Variants in GSE1 observed in about 807,000 individuals in gnomAD.
GSE1 encodes genetic suppressor element 1.
A neutral mutation model predicts 112.6 loss-of-function variants in GSE1; 32 were observed. The ratio of observed to expected loss-of-function variants is 0.28; its 90% CI spans 0.21 to 0.38. GSE1 has a LOEUF of 0.38. Among genes scored for constraint, GSE1 ranks in the 10% least tolerant of loss-of-function variants. The pLI is 1.00. For synonymous variants in GSE1, 1,115 were observed against 735.6 expected (o/e 1.52, Z -8.35); for missense variants, 2,348 against 1,699.2 (o/e 1.38, Z -6.71).
intron 2 of GSE1, among the ~76,000 whole-genome samples, chr16:85,523,654 C>T (rs1450060698): frequency 3.9e-5 from 6 of 152,236 alleles, no homozygotes; most frequent in African/African-American, 1.4e-4. Context: ...GGGGGTCCCT[C>T]CTCGTGCCTG....
In GSE1 at chr16:85,482,498, G is replaced by T. The variant is rs955321668; in HGVS notation, c.2464+124855G>T. The stretch of plus-strand genomic sequence containing the variant: ...GGTCCCTCAGCCTCCACGTGACTCA[G>T]TTCCCCCCCCAAATAAAATCCTGGT... On this transcript the variant is annotated intron_variant, in intron 2 of 2. Transcript: ENST00000637419. Among the ~76,000 whole-genome samples, 3 of 95,952 alleles carry T rather than the reference G, an allele frequency of 3.1e-5. No homozygotes were observed. In the South Asian group the frequency reaches 9.2e-4, roughly 29 times the overall value. 62.9% of individuals were successfully genotyped at this position (95,952 alleles called of 152,430 possible).
rs768214662 is a variant in GSE1, at chr16:85,648,629, C to G, written c.304C>G (p.Arg102Gly). 1 of 1,604,204 alleles carries G rather than the reference C, an allele frequency of 6.2e-7. No homozygotes were observed. The highest frequency in any genetic ancestry group is 1.7e-5 in the Admixed American group (1 of 59,540). ...CAGCTCCCCCGCCAGCACACCCAAG[C>G]GCGTGCCCATGGGCCCTATCATCGT... is the stretch of plus-strand genomic sequence containing the variant. Reference protein sequence around the residue: ...NHSSPASTPKRVPMGPIIVPP... With the variant: ...NHSSPASTPKGVPMGPIIVPP... Residue 102 changes from arginine to glycine, a missense_variant, in exon 3 of 16, where the codon CGC becomes GGC. By Grantham distance (125) the Arg-to-Gly change is moderately radical. Transcript: ENST00000253458.
chr16:85,284,720 T>G (rs1467713144), intron 1 of GSE1, among the ~76,000 whole-genome samples: 1 of 152,070 alleles, frequency 6.6e-6, no homozygotes, highest in Non-Finnish European at 1.5e-5. Flanking sequence ...GGGAAAATGG[T>G]GGCTCATGGA....
chr16:85,608,123 G>T (rs972082562), upstream of GSE1, among the ~76,000 whole-genome samples: 7 of 152,194 alleles, frequency 4.6e-5, no homozygotes, highest in African/African-American at 1.4e-4. Flanking sequence ...TGTAAGCCGG[G>T]CTTTGAAGAA....
At chr16:85,521,845 C>A (rs905558038) in intron 2 of GSE1, among the ~76,000 whole-genome samples, 12 of 152,226 alleles carry the variant, frequency 7.9e-5, no homozygotes, top group African/African-American at 2.9e-4. Context: ...CCCAGGGGGT[C>A]GTGGAGGGTT....
intron 1 of GSE1, among the ~76,000 whole-genome samples, chr16:85,275,116 G>A (rs922462607): frequency 3.9e-5 from 6 of 152,170 alleles, no homozygotes; most frequent in Admixed American, 6.5e-5. Context: ...CAGCCGATCC[G>A]CAGACACAGA....
Position 85,373,815 on chromosome 16 carries a change from G to C in GSE1, c.2464+16172G>C, listed in dbSNP as rs370082264. On this transcript the variant is annotated intron_variant, in intron 2 of 2. Coordinates refer to the GSE1 transcript ENST00000637419. The surrounding 1 kb of genome is among the most constrained non-coding windows in gnomAD (Gnocchi z 5.1). ...AGGCAGCCCAGGGCAGGGTGATTGT[G>C]CTCCTGCCCCACGGTGCCCCACGGT... 5.3e-5 allele frequency among the ~76,000 whole-genome samples: 8 copies of C among 152,166 alleles called. No homozygotes were observed. The highest frequency in any genetic ancestry group is 4.6e-4 in the Admixed American group (7 of 15,280).
intron 1 of GSE1, among the ~76,000 whole-genome samples, chr16:85,262,530 G>C (rs1291042918): frequency 6.6e-6 from 1 of 152,228 alleles, no homozygotes; most frequent in East Asian, 1.9e-4. Flanking sequence ...GCCCCACATC[G>C]GTGATTTCTA....
intron 2 of GSE1, among the ~76,000 whole-genome samples, chr16:85,430,809 C>G (rs879872942): frequency 1.3e-5 from 2 of 152,208 alleles, no homozygotes; most frequent in Admixed American, 6.5e-5. Flanking sequence ...GAGGTCCCCC[C>G]ACTTAGCGGG....
chr16:85,556,961 T>G (rs1249203456), intron 1 of GSE1, among the ~76,000 whole-genome samples: 1 of 151,764 alleles, frequency 6.6e-6, no homozygotes, highest in Non-Finnish European at 1.5e-5. Flanking sequence ...TTAACCTTCC[T>G]GCGCGGTGAC....
intron 1 of GSE1, among the ~76,000 whole-genome samples, chr16:85,619,563 C>T (rs764041098): frequency 8.5e-5 from 13 of 152,316 alleles, no homozygotes; most frequent in Non-Finnish European, 1.6e-4. Context: ...GGCGCTCTTA[C>T]GTGGTGTGAT....
chr16:85,500,998 G>GTTTTTTTTTTTT (rs55650214), intron 2 of GSE1, among the ~76,000 whole-genome samples: 6 of 64,834 alleles, frequency 9.3e-5, no homozygotes, highest in African/African-American at 2.6e-4. Flanking sequence ...GGCCTGTTCT[G>GTTTTTTTTTTTT]TTTTTTTTTT....
chr16:85,201,819 A>T (rs1156376044), intron 1 of GSE1, among the ~76,000 whole-genome samples: 5 of 152,212 alleles, frequency 3.3e-5, no homozygotes, highest in Admixed American at 3.3e-4. Flanking sequence ...GTCAGCATGC[A>T]GTCTCATGGC....
At chr16:85,229,159 G>A (rs746968500) in intron 1 of GSE1, among the ~76,000 whole-genome samples, 2 of 152,250 alleles carry the variant, frequency 1.3e-5, no homozygotes, top group Admixed American at 6.5e-5. Flanking sequence ...CTAAGAGGAC[G>A]CCCCCCTTTG....
intron 1 of GSE1, among the ~76,000 whole-genome samples, chr16:85,205,291 C>A (rs1344549627): frequency 6.6e-6 from 1 of 152,022 alleles, no homozygotes; most frequent in Non-Finnish European, 1.5e-5. Context: ...ACCACCATGC[C>A]CAGCTAATTT....
At chr16:85,422,323 G>A (rs1269941640) in intron 2 of GSE1, among the ~76,000 whole-genome samples, 4 of 152,338 alleles carry the variant, frequency 2.6e-5, no homozygotes, top group Admixed American at 1.3e-4. Context: ...CGAGGCTCCC[G>A]GCAAGACTGA....
intron 1 of GSE1, among the ~76,000 whole-genome samples, chr16:85,622,821 T>C (rs1350991679): frequency 6.6e-6 from 1 of 152,188 alleles, no homozygotes; most frequent in Admixed American, 6.5e-5. Context: ...TACACCCTCA[T>C]GGAGTTACCG....
chr16:85,318,160 C>T (rs1028690995), intron 1 of GSE1, among the ~76,000 whole-genome samples: 3 of 152,314 alleles, frequency 2.0e-5, no homozygotes, highest in South Asian at 4.1e-4. Flanking sequence ...CCGCCAGGCC[C>T]CTTAAGAGAT....
intron 2 of GSE1, among the ~76,000 whole-genome samples, chr16:85,642,718 G>C (rs1427824059): frequency 6.6e-6 from 1 of 152,210 alleles, no homozygotes; most frequent in Non-Finnish European, 1.5e-5. Context: ...TCTCTCCACC[G>C]TTCCCCTGAG....
Sources: gnomAD v4.1 joint callset for allele counts (sites outside exome capture counted in the v4.1 genomes callset) on GRCh38, gnomAD v4.1.1 for gene constraint, Gnocchi (gnomAD v3.1) non-coding constraint, MANE v1.5 for transcripts, NCBI Gene and HGNC (gene_info 2026-07-23, HGNC 2026-07-21) for gene names.